Variants in PTPRN2 observed in about 807,000 individuals in gnomAD.
PTPRN2 encodes the protein receptor-type tyrosine-protein phosphatase N2.
Under a neutral mutation model 118.8 loss-of-function variants are expected in PTPRN2, and 74 were observed. The ratio of observed to expected loss-of-function variants is 0.62; its 90% CI spans 0.52 to 0.76. The LOEUF is 0.76. PTPRN2 is among the 30% of genes least tolerant of loss of function. The probability of loss-of-function intolerance (pLI) is 0.00; values close to 1 mark genes in which losing one functional copy is unlikely to be tolerated. For synonymous variants in PTPRN2, 641 were observed against 608.0 expected (o/e 1.05, Z -0.80); for missense variants, 1,481 against 1,394.4 (o/e 1.06, Z -0.99).
intron 6 of PTPRN2, among the ~76,000 whole-genome samples, chr7:158,149,751 C>G (rs558066264): frequency 5.3e-5 from 8 of 150,470 alleles, no homozygotes; most frequent in African/African-American, 2.0e-4. Context: ...TTGCGGTGAG[C>G]TGAGATTGTG....
intron 11 of PTPRN2, among the ~76,000 whole-genome samples, chr7:157,939,021 C>T (rs553751165): frequency 6.6e-6 from 1 of 152,298 alleles, no homozygotes; most frequent in East Asian, 1.9e-4. Context: ...CAACTCACAC[C>T]CAAATTCCGA....
At chr7:158,566,075 G>A (rs965367395) in intron 1 of PTPRN2, among the ~76,000 whole-genome samples, 6 of 151,878 alleles carry the variant, frequency 4.0e-5, no homozygotes, top group Middle Eastern at 3.5e-3. Context: ...AAGCTTGGCC[G>A]GGCGCAGTGG....
rs1806373630 is a variant in PTPRN2, at chr7:158,015,439, T to C, written c.1723+65859A>G. Among the ~76,000 whole-genome samples the C allele has an allele frequency of 7.4e-6, 1 of 135,868 alleles. No homozygotes were observed. Among genetic ancestry groups the C allele is most frequent in the South Asian group, 2.3e-4 (1 of 4,416 alleles). The allele number at this position is 135,868 out of a possible 152,430, so 89.1% of individuals were successfully genotyped here. A position where few individuals can be genotyped will look rare whatever the true frequency, so the allele number is the denominator to read the frequency against. On this transcript the variant is annotated intron_variant, in intron 11 of 22. Coordinates refer to ENST00000389418, the MANE Select transcript of PTPRN2 (RefSeq NM_002847.5). This position sits in a 1 kb window ranked among gnomAD's most constrained non-coding sequence, Gnocchi z 4.2. ...GAGATGGGGAGAGAGAGGGAAAAAGTGAGAGGAGGGGTGGTGAGAGAGAGA... is the reference window on the plus strand; with the variant it reads ...GAGATGGGGAGAGAGAGGGAAAAAGCGAGAGGAGGGGTGGTGAGAGAGAGA...
intron 11 of PTPRN2, among the ~76,000 whole-genome samples, chr7:158,045,427 TCTC>T (rs1481821508): frequency 6.6e-6 from 1 of 152,168 alleles, no homozygotes; most frequent in Non-Finnish European, 1.5e-5. Context: ...AGCACCCACA[TCTC>T]CTGGTGGTCT....
chr7:158,117,772 T>A (rs367885951), intron 9 of PTPRN2, among the ~76,000 whole-genome samples: 16 of 137,392 alleles, frequency 1.2e-4, no homozygotes, highest in African/African-American at 4.4e-4. Context: ...TTCCAAGTGC[T>A]ACAGGAAAAG....
chr7:157,673,812 C>T (rs919091656), intron 13 of PTPRN2, among the ~76,000 whole-genome samples: 1 of 151,966 alleles, frequency 6.6e-6, no homozygotes, highest in African/African-American at 2.4e-5. Flanking sequence ...TTCTCTGAGC[C>T]CCATGCCCGC....
At chr7:158,152,448 C>T (rs979291082) in intron 6 of PTPRN2, among the ~76,000 whole-genome samples, 2 of 152,136 alleles carry the variant, frequency 1.3e-5, no homozygotes, top group East Asian at 1.9e-4. Flanking sequence ...GTTGGAAGAA[C>T]AGACAGGAGG....
At chr7:158,138,972 CA>C (rs1303610464) in intron 6 of PTPRN2, among the ~76,000 whole-genome samples, 4,716 of 149,474 alleles carry the variant, frequency 0.032, 233 homozygotes, top group African/African-American at 0.11. Flanking sequence ...ACACCCTGCC[CA>C]GCACACCCTG....
intron 3 of PTPRN2, among the ~76,000 whole-genome samples, chr7:158,286,452 G>C (rs1799776432): frequency 6.6e-6 from 1 of 152,118 alleles, no homozygotes; most frequent in African/African-American, 2.4e-5. Flanking sequence ...AAAGCTTTCA[G>C]CTTTTCACCA....
At chr7:158,401,132 G>A (rs1184876873) in intron 2 of PTPRN2, among the ~76,000 whole-genome samples, 3 of 152,186 alleles carry the variant, frequency 2.0e-5, no homozygotes, top group Non-Finnish European at 4.4e-5. Flanking sequence ...GGAGGCAGCA[G>A]TGATGCCTGC....
chr7:157,717,087 C>T (rs1798962287), intron 12 of PTPRN2, among the ~76,000 whole-genome samples: 1 of 151,452 alleles, frequency 6.6e-6, no homozygotes, highest in Admixed American at 6.6e-5. Flanking sequence ...TGCCTGGCCA[C>T]TTAGACTCTG....
chr7:157,726,453 G>A (rs907668406), intron 12 of PTPRN2, among the ~76,000 whole-genome samples: 1 of 149,050 alleles, frequency 6.7e-6, no homozygotes, highest in African/African-American at 2.5e-5. Flanking sequence ...GAGCCAGACC[G>A]TCACCTCCCA....
At chr7:157,634,298 C>T (rs6970138) in intron 14 of PTPRN2, among the ~76,000 whole-genome samples, 72,500 of 151,998 alleles carry the variant, frequency 0.48, 17,478 homozygotes, top group African/African-American at 0.52. Flanking sequence ...TGGATAAAAA[C>T]CTGAAAAATT....
intron 3 of PTPRN2, among the ~76,000 whole-genome samples, chr7:158,279,902 C>A (rs1449702815): frequency 6.6e-6 from 1 of 152,084 alleles, no homozygotes; most frequent in Non-Finnish European, 1.5e-5. Flanking sequence ...GTGGACTTGA[C>A]CCCACGGTGT....
intron 11 of PTPRN2, among the ~76,000 whole-genome samples, chr7:157,939,954 G>A (rs1299275360): frequency 2.0e-5 from 3 of 152,332 alleles, no homozygotes; most frequent in South Asian, 2.1e-4. Context: ...CTGCACAGGC[G>A]GGGAAGAGCA....
At position 157,747,884 on chromosome 7, in the gene PTPRN2, C is replaced by T. The variant is rs1483277572; in HGVS notation, c.1789-64947G>A. 5.3e-3 allele frequency among the ~76,000 whole-genome samples: 536 copies of T among 100,858 alleles called. 31 individuals carry two copies. The highest frequency in any genetic ancestry group is 0.015 in the Admixed American group (126 of 8,180). The allele number at this position is 100,858 out of a possible 152,430, so 66.2% of individuals were successfully genotyped here. ...CCTGCGTCCCTGAGCTGTGGGGTGT[C>T]CGGGTGATTCTGAGGCCTGCGTCCC... On this transcript the variant is annotated intron_variant, in intron 12 of 22. Transcript: ENST00000389418.
At chr7:158,578,763 TTTGTTGTTG>T (rs1026891797) in intron 1 of PTPRN2, among the ~76,000 whole-genome samples, 1 of 151,346 alleles carries the variant, frequency 6.6e-6, no homozygotes, top group Non-Finnish European at 1.5e-5. Context: ...TCTTTTTTTT[TTTGTTGTTG>T]TTGTTGTTGA....
intron 9 of PTPRN2, among the ~76,000 whole-genome samples, chr7:158,121,908 A>C (rs959298904): frequency 3.3e-5 from 5 of 152,218 alleles, no homozygotes; most frequent in African/African-American, 1.2e-4. Context: ...TAAAGCAGAC[A>C]AACAAGACAG....
intron 12 of PTPRN2, among the ~76,000 whole-genome samples, chr7:157,696,442 A>G (rs201632470): frequency 4.2e-3 from 410 of 97,016 alleles, no homozygotes; most frequent in African/African-American, 9.8e-3. Context: ...TGCATACTGG[A>G]TCTTAGTAGA....
Sources: gnomAD v4.1 joint callset for allele counts (sites outside exome capture counted in the v4.1 genomes callset) on GRCh38, gnomAD v4.1.1 for gene constraint, Gnocchi (gnomAD v3.1) non-coding constraint, MANE v1.5 for transcripts, NCBI Gene and HGNC (gene_info 2026-07-23, HGNC 2026-07-21) for gene names.